Variants in PIR observed in about 807,000 individuals in gnomAD.
PIR encodes the protein pirin, also known as pirin (iron-binding nuclear protein).
A neutral mutation model predicts 24.2 loss-of-function variants in PIR; 22 were observed. That is an observed-to-expected ratio of 0.91 (90% CI 0.65 to 1.30). The LOEUF (loss-of-function observed/expected upper bound fraction) is 1.30, where lower values mean the gene tolerates loss of function less well. Ranked by LOEUF, PIR falls within the 50% of genes most tolerant of loss-of-function variation. The probability of loss-of-function intolerance (pLI) is 0.00; values close to 1 mark genes in which losing one functional copy is unlikely to be tolerated. For missense variants in PIR, 220 were observed against 220.3 expected (o/e 1.00, Z 0.01); for synonymous variants, 80 against 79.6 (o/e 1.00, Z -0.03).
At chrX:15,485,126 C>T (rs1050738076) in intron 2 of PIR, among the ~76,000 whole-genome samples, 35 of 112,494 alleles carry the variant, frequency 3.1e-4, no homozygotes, top group African/African-American at 9.0e-4. Flanking sequence ...AGAATGATCC[C>T]AATTTCAGTG....
chrX:15,476,676 A>T (rs1467661138), intron 3 of PIR, among the ~76,000 whole-genome samples: 1 of 112,018 alleles, frequency 8.9e-6, no homozygotes, highest in African/African-American at 3.2e-5. Context: ...AAAAAATCCA[A>T]GAATATTAAA....
chrX:15,432,740 C>T, intron 5 of PIR, among the ~76,000 whole-genome samples: 1 of 112,086 alleles, frequency 8.9e-6, no homozygotes, highest in Non-Finnish European at 1.9e-5. Flanking sequence ...AAAGAGATGT[C>T]TTAAGCTACT....
intron 7 of PIR, among the ~76,000 whole-genome samples, chrX:15,401,327 G>A (rs1924378364): frequency 9.7e-6 from 1 of 102,910 alleles, no homozygotes. Flanking sequence ...CAAGTGCTGG[G>A]ATTACAGGTA....
chrX:15,395,647 T>C (rs1049125395), intron 8 of PIR, among the ~76,000 whole-genome samples: 1 of 112,343 alleles, frequency 8.9e-6, no homozygotes, highest in African/African-American at 3.2e-5. Flanking sequence ...CAGAGGGCTT[T>C]ACAAACGTGT....
At chrX:15,417,097 G>A (rs764916587) in intron 6 of PIR, among the ~76,000 whole-genome samples, 2 of 108,728 alleles carry the variant, frequency 1.8e-5, no homozygotes, top group East Asian at 2.9e-4. Context: ...CTATAGGCCC[G>A]CACGACCATG....
chrX:15,479,339 TTTTC>T (rs1192750201), intron 3 of PIR, among the ~76,000 whole-genome samples: 2 of 110,032 alleles, frequency 1.8e-5, no homozygotes, highest in Non-Finnish European at 3.8e-5. Context: ...AAACAGGTTT[TTTTC>T]TTTCTTTTTT....
At chrX:15,442,071 A>ATTTT (rs1235696387) in intron 5 of PIR, among the ~76,000 whole-genome samples, 25 of 100,221 alleles carry the variant, frequency 2.5e-4, no homozygotes, top group African/African-American at 9.1e-4. Context: ...AAATATATGT[A>ATTTT]TTTTTTTTTT....
intron 5 of PIR, among the ~76,000 whole-genome samples, chrX:15,447,339 ACT>A (rs1225343348): frequency 9.3e-6 from 1 of 108,004 alleles, no homozygotes; most frequent in Non-Finnish European, 1.9e-5. Context: ...ATGGAGTCTC[ACT>A]CTGTCGCCCA....
intron 6 of PIR, 136 bp downstream of exon 6, chrX:15,425,770 A>G (rs1474470446): frequency 2.1e-6 from 1 of 468,611 alleles, no homozygotes; most frequent in African/African-American, 2.4e-5. Context: ...AACACAATTA[A>G]ACATAAACAA....
intron 3 of PIR, among the ~76,000 whole-genome samples, chrX:15,468,843 A>G (rs2147069908): frequency 8.9e-6 from 1 of 112,929 alleles, no homozygotes; most frequent in East Asian, 2.8e-4. Context: ...TAAAGATAGT[A>G]TGGAGAGTCC....
In PIR at chrX:15,446,471, A is replaced by G. The variant is rs140967696; in HGVS notation, c.480+9377T>C. 5.8e-3 allele frequency among the ~76,000 whole-genome samples: 649 copies of G among 111,407 alleles called. 6 individuals carry two copies. Among genetic ancestry groups the G allele is most frequent in the African/African-American group, 0.02 (609 of 30,695 alleles). ...ACATTAATGATAGCTGATGAGCTCA[A>G]AGAAAAAAAAAATCACAAACAAAAA... On this transcript the variant is annotated intron_variant, in intron 5 of 9. Transcript: ENST00000380420.
chrX:15,486,236 T>C (rs541464442), intron 2 of PIR, among the ~76,000 whole-genome samples: 1 of 93,960 alleles, frequency 1.1e-5, no homozygotes, highest in Admixed American at 1.4e-4. Context: ...GGCAAGAGAA[T>C]TGCTTGAACC....
Position 15,397,507 on chromosome X carries a change from A to AT in PIR, c.634dup (p.Ile212AsnfsTer13), listed in dbSNP as rs1282196967. 2.5e-6 allele frequency: 3 copies of AT among 1,207,034 alleles called. No homozygotes were observed. The highest frequency in any genetic ancestry group is 3.4e-6 in the Non-Finnish European group (3 of 891,140). Reference sequence around the variant, plus strand: ...AAGCACTGCTGTGTGATGAGGTTCTATTTTTTGTTGTGCATCATCGGGCCC... The same window carrying AT: ...AAGCACTGCTGTGTGATGAGGTTCTATTTTTTTGTTGTGCATCATCGGGCCC... On this transcript the variant is annotated frameshift_variant, in exon 8 of 10. Coordinates refer to ENST00000380420, the MANE Select transcript of PIR (RefSeq NM_001018109.3). LOFTEE classifies it high-confidence loss of function.
intron 5 of PIR, among the ~76,000 whole-genome samples, chrX:15,446,949 C>T (rs780067190): frequency 3.2e-4 from 36 of 112,383 alleles, no homozygotes; most frequent in African/African-American, 1.0e-3. Context: ...TATGACAGAA[C>T]ATGCTGTTCC....
At chrX:15,468,233 C>G (rs1392285450) in intron 3 of PIR, among the ~76,000 whole-genome samples, 5 of 112,510 alleles carry the variant, frequency 4.4e-5, no homozygotes, top group Non-Finnish European at 9.4e-5. Context: ...CTATGTCTCG[C>G]CAACAGATCC....
At chrX:15,434,569 G>A (rs1390370509) in intron 5 of PIR, among the ~76,000 whole-genome samples, 2 of 111,135 alleles carry the variant, frequency 1.8e-5, no homozygotes, top group Admixed American at 1.9e-4. Flanking sequence ...TGGATGTCAA[G>A]TTGAGAACAT....
At chrX:15,389,102 C>A (rs1372125899) in intron 9 of PIR, among the ~76,000 whole-genome samples, 1 of 111,475 alleles carries the variant, frequency 9.0e-6, no homozygotes, top group African/African-American at 3.3e-5. Context: ...GAGGAGATTG[C>A]CTAAAATAAG....
At chrX:15,405,877 C>T (rs1262388801) in intron 7 of PIR, among the ~76,000 whole-genome samples, 2 of 112,738 alleles carry the variant, frequency 1.8e-5, no homozygotes, top group Non-Finnish European at 3.8e-5. Flanking sequence ...CCCATTTGTA[C>T]TTTATTAGGA....
chrX:15,491,316 G>A lies in PIR; in HGVS notation c.-52-7C>T. 2.7e-6 allele frequency: 2 copies of A among 736,843 alleles called. No individual in the cohort carries two copies. The highest frequency in any genetic ancestry group is 4.0e-6 in the Non-Finnish European group (2 of 496,126). 60.7% of individuals were successfully genotyped at this position (736,843 alleles called of 1,213,427 possible). A position where few individuals can be genotyped will look rare whatever the true frequency, so the allele number is the denominator to read the frequency against. ...AGCTGTAGAGGATGGAGGGCTAAAG[G>A]AAGGACAACAAAAAAAAAAGAAGTC... On this transcript the variant is annotated splice_polypyrimidine_tract_variant and splice_region_variant and intron_variant, in intron 1 of 9. Transcript: ENST00000380420.
Sources: gnomAD v4.1 joint callset for allele counts (sites outside exome capture counted in the v4.1 genomes callset) on GRCh38, gnomAD v4.1.1 for gene constraint, MANE v1.5 for transcripts, NCBI Gene and HGNC (gene_info 2026-07-23, HGNC 2026-07-21) for gene names.